CDC14B: variants seen among roughly 807,000 people sequenced by gnomAD.
The protein encoded by CDC14B is cell division cycle 14B, also known as dual specificity protein phosphatase CDC14B.
A neutral mutation model predicts 64.2 loss-of-function variants in CDC14B; 22 were observed. The observed-to-expected ratio is 0.34, with a 90% CI of 0.24 to 0.49. CDC14B has a LOEUF of 0.49. Among genes scored for constraint, CDC14B ranks in the 20% least tolerant of loss-of-function variants. The pLI, the probability that CDC14B is intolerant of heterozygous loss-of-function variation, is 0.99. For missense variants in CDC14B, 498 were observed against 629.9 expected, an observed-to-expected ratio of 0.79 and a Z score of 2.24; for synonymous variants, 191 against 215.8, an observed-to-expected ratio of 0.89 and a Z score of 1.01.
At chr9:96,591,656 C>T (rs1475873447) in intron 1 of CDC14B, among the ~76,000 whole-genome samples, 1 of 152,148 alleles carries the variant, frequency 6.6e-6, no homozygotes, top group Non-Finnish European at 1.5e-5. Context: ...ATTCAATCTG[C>T]AGATAGCTTT....
rs1843393771 is a variant in CDC14B at position 96,562,800 on chromosome 9, A to G, written c.328-15T>C. ...ATTGTAATGGACTGCATAAAAATAA[A>G]TAACTGTTAGCATTTTCTTTTTAAT... On this transcript the variant is annotated splice_polypyrimidine_tract_variant and intron_variant, in intron 3 of 13. Transcript: ENST00000375241. The G allele has an allele frequency of 6.8e-7, 1 of 1,481,256 alleles. No individual in the cohort carries two copies. Among genetic ancestry groups the G allele is most frequent in the Non-Finnish European group, 9.4e-7 (1 of 1,066,742 alleles). The allele number at this position is 1,481,256 out of a possible 1,614,324, so 91.8% of individuals were successfully genotyped here.
At chr9:96,517,317 G>A (rs1173332805) in intron 12 of CDC14B, among the ~76,000 whole-genome samples, 2 of 150,762 alleles carry the variant, frequency 1.3e-5, no homozygotes, top group African/African-American at 2.4e-5. Flanking sequence ...ACTCTAGCCT[G>A]GCCGACAGAG....
intron 12 of CDC14B, chr9:96,514,547 C>A: frequency 1.0e-6 from 1 of 985,438 alleles, no homozygotes; most frequent in African/African-American, 1.7e-5. Context: ...ATTTTTAAAT[C>A]TTTCTCAGCT....
chr9:96,559,940 T>C (rs1037905241), intron 4 of CDC14B, among the ~76,000 whole-genome samples: 53 of 152,210 alleles, frequency 3.5e-4, no homozygotes, highest in Non-Finnish European at 3.4e-4. Flanking sequence ...AATATAAAAC[T>C]GGAAACAAAT....
At chr9:96,599,380 T>TA (rs779120308) in intron 1 of CDC14B, among the ~76,000 whole-genome samples, 80 of 144,338 alleles carry the variant, frequency 5.5e-4, no homozygotes, top group East Asian at 6.0e-4. Context: ...AAACTCCGTT[T>TA]AAAAAAAAAA....
At chr9:96,523,197 C>T (rs1399971663) in intron 11 of CDC14B, 64 bp downstream of exon 11, 4 of 1,537,616 alleles carry the variant, frequency 2.6e-6, no homozygotes, top group African/African-American at 1.4e-5. Context: ...TTTCTCCATA[C>T]CCTGACAGGT....
intron 5 of CDC14B, among the ~76,000 whole-genome samples, chr9:96,546,322 G>C (rs1443226965): frequency 6.6e-6 from 1 of 152,036 alleles, no homozygotes; most frequent in East Asian, 1.9e-4. Context: ...ATGCATACCA[G>C]TAATATCAAG....
chr9:96,562,029 T>C (rs1421748575), intron 4 of CDC14B, among the ~76,000 whole-genome samples: 1 of 152,158 alleles, frequency 6.6e-6, no homozygotes, highest in Non-Finnish European at 1.5e-5. Flanking sequence ...AAAAAATAAA[T>C]CTTTTCCATC....
chr9:96,508,525 A>C (rs1834476455), intron 13 of CDC14B, among the ~76,000 whole-genome samples: 1 of 152,242 alleles, frequency 6.6e-6, no homozygotes, highest in African/African-American at 2.4e-5. Flanking sequence ...CTCAAGAAGA[A>C]TCAAACAGTA....
chr9:96,548,116 C>T (rs113437820), intron 5 of CDC14B, among the ~76,000 whole-genome samples: 2,752 of 152,112 alleles, frequency 0.018, 81 homozygotes, highest in African/African-American at 0.063. Flanking sequence ...TGAGCCACAG[C>T]GCCCAGCCTA....
At chr9:96,497,600 G>T (rs943805520), downstream of CDC14B, among the ~76,000 whole-genome samples, 5 of 152,350 alleles carry the variant, frequency 3.3e-5, no homozygotes, top group East Asian at 9.6e-4. Flanking sequence ...GCTCACCAGC[G>T]TCACAACAGC....
chr9:96,566,601 A>C (rs1185376176), intron 1 of CDC14B, among the ~76,000 whole-genome samples: 1 of 152,112 alleles, frequency 6.6e-6, no homozygotes, highest in Non-Finnish European at 1.5e-5. Flanking sequence ...ACAGCCGCCC[A>C]TGAGCGCTGT....
intron 4 of CDC14B, among the ~76,000 whole-genome samples, chr9:96,557,077 C>T (rs1282119938): frequency 1.3e-5 from 2 of 152,196 alleles, no homozygotes; most frequent in Non-Finnish European, 2.9e-5. Context: ...TTCACTTTTT[C>T]CCCAAGTTAA....
intron 1 of CDC14B, among the ~76,000 whole-genome samples, chr9:96,602,526 T>C (rs543076319): frequency 4.6e-5 from 7 of 152,050 alleles, no homozygotes; most frequent in African/African-American, 1.7e-4. Flanking sequence ...TGGCAGAACA[T>C]CTCACACAGC....
At chr9:96,495,730 G>A (rs1410368382), downstream of CDC14B, among the ~76,000 whole-genome samples, 4 of 152,160 alleles carry the variant, frequency 2.6e-5, no homozygotes, top group South Asian at 2.1e-4. Flanking sequence ...GACATGCTTG[G>A]GGAACTGGGT....
chr9:96,540,631 T>C (rs1207327683), intron 6 of CDC14B, among the ~76,000 whole-genome samples: 1 of 151,206 alleles, frequency 6.6e-6, no homozygotes, highest in Non-Finnish European at 1.5e-5. Flanking sequence ...AAAATAATAA[T>C]AGAAGCTGCC....
intron 9 of CDC14B, among the ~76,000 whole-genome samples, chr9:96,531,972 G>GT (rs1277576703): frequency 6.6e-6 from 1 of 152,044 alleles, no homozygotes; most frequent in Non-Finnish European, 1.5e-5. Flanking sequence ...CCTTTTAAGT[G>GT]TTTGGTAGAA....
downstream of CDC14B, among the ~76,000 whole-genome samples, chr9:96,497,354 C>G (rs1833299808): frequency 6.6e-6 from 1 of 152,212 alleles, no homozygotes; most frequent in Non-Finnish European, 1.5e-5. Flanking sequence ...CAGGGACCCC[C>G]GAGGCGCTGG....
At chr9:96,576,928 T>C (rs563713361) in intron 1 of CDC14B, among the ~76,000 whole-genome samples, 11 of 152,272 alleles carry the variant, frequency 7.2e-5, no homozygotes, top group Admixed American at 2.6e-4. Context: ...ACCATACACA[T>C]AGACCATGTT....
Sources: gnomAD v4.1 joint callset for allele counts (sites outside exome capture counted in the v4.1 genomes callset) on GRCh38, gnomAD v4.1.1 for gene constraint, MANE v1.5 for transcripts, NCBI Gene and HGNC (gene_info 2026-07-23, HGNC 2026-07-21) for gene names.